MAPK8IP3: variants seen among roughly 807,000 people sequenced by gnomAD.
The protein encoded by MAPK8IP3 is C-Jun-amino-terminal kinase-interacting protein 3.
MAPK8IP3 carries 49 observed loss-of-function variants against 157.8 expected under a neutral mutation model. That is an observed-to-expected ratio of 0.31 (90% CI 0.25 to 0.39). The LOEUF (loss-of-function observed/expected upper bound fraction) is 0.39. MAPK8IP3 is among the 10% of genes least tolerant of loss of function. MAPK8IP3 has a pLI of 1.00. For synonymous variants in MAPK8IP3, 897 were observed against 777.7 expected, an observed-to-expected ratio of 1.15 and a Z score of -2.55; for missense variants, 1,478 against 1,889.4, an observed-to-expected ratio of 0.78 and a Z score of 4.04.
At chr16:1,759,349 G>A (rs1229996444) in intron 10 of MAPK8IP3, among the ~76,000 whole-genome samples, 1 of 152,250 alleles carries the variant, frequency 6.6e-6, no homozygotes, top group Non-Finnish European at 1.5e-5. Context: ...GGCGTGTGAT[G>A]CTGTTTCATG....
At chr16:1,767,504 G>A in intron 26 of MAPK8IP3, 60 bp from the exon 27 acceptor site, 1 of 1,574,344 alleles carries the variant, frequency 6.4e-7, no homozygotes, top group Non-Finnish European at 8.6e-7. Context: ...TGGCAGGTTT[G>A]GGGCTCCCCA....
At chr16:1,718,271 G>T (rs183107910) in intron 1 of MAPK8IP3, among the ~76,000 whole-genome samples, 18 of 150,384 alleles carry the variant, frequency 1.2e-4, no homozygotes, top group African/African-American at 4.4e-4. Context: ...TGCAACCTCT[G>T]CCTCCCGTGT....
At chr16:1,767,420 G>T in intron 26 of MAPK8IP3, 123 bp downstream of exon 26, 1 of 1,509,528 alleles carries the variant, frequency 6.6e-7, no homozygotes, top group South Asian at 1.2e-5. Context: ...TACCACCTAT[G>T]ACTCAGGCTC....
Position 1,765,110 on chromosome 16 carries a change from A to T in MAPK8IP3, c.2378A>T (p.Gln793Leu), listed in dbSNP as rs766225273. The T allele has an allele frequency of 6.2e-7, 1 of 1,612,544 alleles. No homozygotes were observed. The highest frequency in any genetic ancestry group is 8.5e-7 in the Non-Finnish European group (1 of 1,179,746). Residue 793 changes from glutamine to leucine, a missense_variant, in exon 20 of 32, where the codon CAG becomes CTG. This residue lies in a region of MAPK8IP3 where 669 missense variants were observed against 759.8 expected (regional missense o/e 0.88). Transcript: ENST00000610761. ...AAGGTGGTGATCATCGACGCCAACC[A>T]GCCGGGCACGGTGGTGGACCAGTTC... ...TSKVVIIDAN[Q>L]PGTVVDQFTV...
At chr16:1,720,826 G>A (rs1426600462) in intron 1 of MAPK8IP3, among the ~76,000 whole-genome samples, 2 of 151,662 alleles carry the variant, frequency 1.3e-5, no homozygotes, top group South Asian at 2.1e-4. Context: ...CGAGGTCAGG[G>A]GATCAAGACC....
At chr16:1,738,951 C>T (rs547256663) in intron 4 of MAPK8IP3, among the ~76,000 whole-genome samples, 10 of 138,472 alleles carry the variant, frequency 7.2e-5, no homozygotes, top group Non-Finnish European at 1.1e-4. Flanking sequence ...TGTGACCACC[C>T]ATGTGAGCAT....
At chr16:1,715,140 A>T (rs902326071) in intron 1 of MAPK8IP3, among the ~76,000 whole-genome samples, 5 of 151,948 alleles carry the variant, frequency 3.3e-5, no homozygotes, top group Admixed American at 6.6e-5. Flanking sequence ...ACCAGTTGGG[A>T]TTTGTTTTAC....
Position 1,735,638 on chromosome 16 carries a change from CATGTGA to C in MAPK8IP3, c.602+6061_602+6066del, listed in dbSNP as rs1567162187. ...CCGTGTGAGCATCCGTGTGACTGTC[CATGTGA>C]GTGTGACCATCCATGTGAGCATCCG... On this transcript the variant is annotated intron_variant, in intron 4 of 31. Transcript: ENST00000610761. Among the ~76,000 whole-genome samples the C allele has an allele frequency of 7.0e-4, 89 of 127,506 alleles. 1 individual carries two copies. Among genetic ancestry groups the C allele is most frequent in the Admixed American group, 2.3e-3 (27 of 11,982 alleles). 83.6% of individuals were successfully genotyped at this position (127,506 alleles called of 152,430 possible).
intron 10 of MAPK8IP3, 30 bp from the exon 11 acceptor site, chr16:1,759,928 C>T (rs755538871): frequency 1.2e-6 from 2 of 1,603,672 alleles, no homozygotes; most frequent in South Asian, 2.2e-5. Context: ...TTGAAGGGCA[C>T]AGGTGAAACC....
chr16:1,736,613 ACCGT>A (rs1284234576), intron 4 of MAPK8IP3, among the ~76,000 whole-genome samples: 7 of 54,090 alleles, frequency 1.3e-4, no homozygotes, highest in Admixed American at 3.6e-4. Context: ...CATCCGTGTG[ACCGT>A]CCGTGTGAGC....
intron 8 of MAPK8IP3, among the ~76,000 whole-genome samples, chr16:1,752,986 G>A (rs1200861567): frequency 6.6e-6 from 1 of 152,212 alleles, no homozygotes; most frequent in Non-Finnish European, 1.5e-5. Context: ...AGGAAAAGGA[G>A]TACGCCCTTG....
At chr16:1,755,576 C>T (rs535404289) in intron 8 of MAPK8IP3, among the ~76,000 whole-genome samples, 14 of 151,986 alleles carry the variant, frequency 9.2e-5, no homozygotes, top group Non-Finnish European at 1.9e-4. Context: ...GGGCCGGGTG[C>T]GGTGGCTCAT....
intron 4 of MAPK8IP3, among the ~76,000 whole-genome samples, chr16:1,729,780 G>A (rs954261986): frequency 1.3e-5 from 2 of 152,106 alleles, no homozygotes; most frequent in Non-Finnish European, 2.9e-5. Context: ...CCTGGGCGAC[G>A]GACATGTGTC....
Position 1,767,753 on chromosome 16 carries a change from A to ACGCCAGG in MAPK8IP3, c.3409+18_3409+19insCGCCAGG, listed in dbSNP as rs1567213921. 4 of 1,611,882 alleles carry ACGCCAGG rather than the reference A, an allele frequency of 2.5e-6. No homozygotes were observed. Among genetic ancestry groups the ACGCCAGG allele is most frequent in the Non-Finnish European group, 3.4e-6 (4 of 1,179,632 alleles). On this transcript the variant is annotated intron_variant, in intron 27 of 31. Transcript: ENST00000610761. Reference sequence around the variant, plus strand: ...GATGCTAGGTGAGGGGCCACGCCAGATGGGGTGGTGGGGTGCTCAAGGCCA... The same window carrying ACGCCAGG: ...GATGCTAGGTGAGGGGCCACGCCAGACGCCAGGTGGGGTGGTGGGGTGCTCAAGGCCA...
At chr16:1,757,721 C>T (rs2041692164) in intron 8 of MAPK8IP3, among the ~76,000 whole-genome samples, 1 of 152,218 alleles carries the variant, frequency 6.6e-6, no homozygotes, top group African/African-American at 2.4e-5. Context: ...TCCAGGCCTG[C>T]GTCTGCGGTG....
intron 1 of MAPK8IP3, among the ~76,000 whole-genome samples, chr16:1,723,443 C>A (rs373926819): frequency 3.3e-5 from 5 of 152,106 alleles, no homozygotes; most frequent in African/African-American, 1.2e-4. Flanking sequence ...AGCCACTGTG[C>A]CCGGCCTCTA....
rs1278805583 is a variant in MAPK8IP3, at chr16:1,762,435, C to T, written c.1624C>T (p.Arg542Trp). 1.2e-6 allele frequency: 2 copies of T among 1,609,280 alleles called. No individual in the cohort carries two copies. Among genetic ancestry groups the T allele is most frequent in the Non-Finnish European group, 8.5e-7 (1 of 1,178,050 alleles). ...CATGGAGCGGAACCAGTACAAGGAGCGGCTGATGGAGCTGCAGGAGGCTGT... is the reference window on the plus strand; with the variant it reads ...CATGGAGCGGAACCAGTACAAGGAGTGGCTGATGGAGCTGCAGGAGGCTGT... ...VLMERNQYKE[R>W]LMELQEAVRW... Residue 542 changes from arginine to tryptophan, a missense_variant, in exon 14 of 32, where the codon CGG becomes TGG. Arg to Trp is a moderately radical substitution (Grantham distance 101, BLOSUM62 -3). Around this residue, in one of 11 missense-constraint regions of MAPK8IP3, gnomAD observed 11 missense variants for 47.3 expected, o/e 0.23. Transcript: ENST00000610761.
chr16:1,757,804 C>T (rs535497969), intron 8 of MAPK8IP3, among the ~76,000 whole-genome samples: 1 of 152,364 alleles, frequency 6.6e-6, no homozygotes, highest in South Asian at 2.1e-4. Flanking sequence ...CACCCTGCCA[C>T]ACACACTCTC....
chr16:1,724,028 G>T lies in MAPK8IP3; in HGVS notation c.319-529G>T, dbSNP rs2038705915. ...TGAGCTGAGCTGCAACTGACATGCAGAAAAGTAGGCTCAACCTTGTTCTTA... is the reference window on the plus strand; with the variant it reads ...TGAGCTGAGCTGCAACTGACATGCATAAAAGTAGGCTCAACCTTGTTCTTA... On this transcript the variant is annotated intron_variant, in intron 1 of 31. Transcript: ENST00000610761. The surrounding 1 kb of genome is among the most constrained non-coding windows in gnomAD (Gnocchi z 4.1). Among the ~76,000 whole-genome samples, 1 of 152,192 alleles carries T rather than the reference G, an allele frequency of 6.6e-6. No homozygotes were observed. The highest frequency in any genetic ancestry group is 6.5e-5 in the Admixed American group (1 of 15,274).
Sources: allele counts gnomAD v4.1 joint callset (sites outside exome capture counted in the v4.1 genomes callset), GRCh38; gene constraint gnomAD v4.1.1; regional missense constraint gnomAD v4.1.1; non-coding constraint Gnocchi (gnomAD v3.1); transcripts MANE v1.5; gene names NCBI Gene and HGNC (gene_info 2026-07-23, HGNC 2026-07-21).